DLG2: variants seen among roughly 807,000 people sequenced by gnomAD.
DLG2 encodes discs large MAGUK scaffold protein 2, also known as disks large homolog 2.
A neutral mutation model predicts 132.5 loss-of-function variants in DLG2; 45 were observed. The observed-to-expected ratio is 0.34, with a 90% CI of 0.27 to 0.44. The LOEUF is 0.44. Among genes scored for constraint, DLG2 ranks in the 20% least tolerant of loss-of-function variants. DLG2 has a pLI of 1.00. For missense variants in DLG2, 1,045 were observed against 1,196.9 expected (o/e 0.87, Z 1.87); for synonymous variants, 424 against 419.6 (o/e 1.01, Z -0.13).
intron 7 of DLG2, among the ~76,000 whole-genome samples, chr11:84,318,201 C>A (rs1234499720): frequency 1.3e-5 from 2 of 152,152 alleles, no homozygotes; most frequent in African/African-American, 4.8e-5. Flanking sequence ...AAAGCAATTG[C>A]CTTCCAAAGA....
chr11:85,106,103 G>C (rs1031976732), intron 6 of DLG2, among the ~76,000 whole-genome samples: 1 of 151,894 alleles, frequency 6.6e-6, no homozygotes, highest in South Asian at 2.1e-4. Flanking sequence ...AGGCAGTCTG[G>C]GAGAGCATGC....
At chr11:84,453,817 G>A (rs1232945525) in intron 7 of DLG2, among the ~76,000 whole-genome samples, 4 of 151,640 alleles carry the variant, frequency 2.6e-5, no homozygotes, top group Non-Finnish European at 4.4e-5. Context: ...TTAACCACAA[G>A]TAGGGGCAGA....
At chr11:84,697,400 G>C (rs2058728278) in intron 6 of DLG2, among the ~76,000 whole-genome samples, 1 of 151,402 alleles carries the variant, frequency 6.6e-6, no homozygotes, top group Non-Finnish European at 1.5e-5. Context: ...TAATTCAGGT[G>C]AACTTGGTTT....
At chr11:84,891,044 C>G (rs780531466) in intron 6 of DLG2, 1 of 152,124 alleles carries the variant, frequency 6.6e-6, no homozygotes, top group Admixed American at 6.6e-5. Flanking sequence ...ATCCCTCACC[C>G]GGGTTCCCAG....
chr11:84,458,094 A>G (rs1256663896), intron 7 of DLG2, among the ~76,000 whole-genome samples: 2 of 150,924 alleles, frequency 1.3e-5, no homozygotes, highest in African/African-American at 4.8e-5. Flanking sequence ...AGACTGGCAT[A>G]GCTACTAATT....
At chr11:84,547,738 G>C (rs578238176) in intron 6 of DLG2, among the ~76,000 whole-genome samples, 1 of 152,162 alleles carries the variant, frequency 6.6e-6, no homozygotes, top group African/African-American at 2.4e-5. Context: ...AAGCATGTAT[G>C]TCTCTGCCAT....
chr11:84,702,782 C>G (rs2059343354), intron 6 of DLG2, among the ~76,000 whole-genome samples: 1 of 151,518 alleles, frequency 6.6e-6, no homozygotes, highest in East Asian at 1.9e-4. Context: ...CTATTTAAGT[C>G]TTCTGTCTCT....
intron 6 of DLG2, among the ~76,000 whole-genome samples, chr11:85,076,377 C>T (rs1593721899): frequency 6.6e-6 from 1 of 151,772 alleles, no homozygotes; most frequent in East Asian, 1.9e-4. Flanking sequence ...GCAAACACTT[C>T]CTGATGAGTT....
intron 2 of DLG2, among the ~76,000 whole-genome samples, chr11:85,600,105 C>T (rs2080047063): frequency 6.6e-6 from 1 of 152,196 alleles, no homozygotes; most frequent in South Asian, 2.1e-4. Context: ...AAGGCAGATT[C>T]CACAAGCTCC....
intron 3 of DLG2, among the ~76,000 whole-genome samples, chr11:85,412,760 C>CATATATATATATATATATATATAT (rs200280952): frequency 8.8e-6 from 1 of 113,276 alleles, no homozygotes; most frequent in South Asian, 3.1e-4. Context: ...CACACACACA[C>CATATATATATATATATATATATAT]ATATATATAT....
At chr11:84,420,744 C>T (rs1219701528) in intron 7 of DLG2, among the ~76,000 whole-genome samples, 2 of 135,732 alleles carry the variant, frequency 1.5e-5, no homozygotes, top group Non-Finnish European at 3.1e-5. Flanking sequence ...TCTCGGCTCA[C>T]TGCAAGCTCC....
intron 6 of DLG2, among the ~76,000 whole-genome samples, chr11:84,750,976 T>A (rs999092758): frequency 1.3e-5 from 2 of 152,158 alleles, no homozygotes; most frequent in African/African-American, 2.4e-5. Flanking sequence ...GGTATCCTAT[T>A]AAGTCAAGAA....
chr11:83,761,773 C>G (rs976893728), intron 18 of DLG2, among the ~76,000 whole-genome samples: 1 of 152,160 alleles, frequency 6.6e-6, no homozygotes, highest in South Asian at 2.1e-4. Context: ...ACATGGAGGC[C>G]GGGAGCTGTA....
At chr11:84,963,739 A>G (rs2052925025) in intron 6 of DLG2, among the ~76,000 whole-genome samples, 1 of 152,130 alleles carries the variant, frequency 6.6e-6, no homozygotes, top group Non-Finnish European at 1.5e-5. Flanking sequence ...AAAGGCATTC[A>G]TTGTCATGCT....
Position 85,318,608 on chromosome 11 carries a change from G to A in DLG2, c.41-33243C>T, listed in dbSNP as rs577978163. ...GGTTGAAATGTAAGGGAAGGGAAAGGGAAGTAAATATGAAGCCAACCGGAC... is the reference window on the plus strand; with the variant it reads ...GGTTGAAATGTAAGGGAAGGGAAAGAGAAGTAAATATGAAGCCAACCGGAC... On this transcript the variant is annotated intron_variant, in intron 3 of 27. Coordinates refer to ENST00000376104, the MANE Select transcript of DLG2 (RefSeq NM_001142699.3). Among the ~76,000 whole-genome samples, 7 of 151,762 alleles carry A rather than the reference G, an allele frequency of 4.6e-5. No individual in the cohort carries two copies. In the South Asian group the frequency reaches 1.2e-3, roughly 27 times the overall value.
At chr11:85,546,286 T>C (rs567221405) in intron 3 of DLG2, among the ~76,000 whole-genome samples, 17 of 152,368 alleles carry the variant, frequency 1.1e-4, no homozygotes, top group African/African-American at 3.6e-4. Context: ...TCAGTTTCTA[T>C]GCAGTTGTGT....
intron 6 of DLG2, among the ~76,000 whole-genome samples, chr11:84,745,587 T>C (rs1174950655): frequency 1.3e-5 from 2 of 152,134 alleles, no homozygotes. Context: ...AATGGCCTAA[T>C]AACAGTTCAT....
intron 6 of DLG2, among the ~76,000 whole-genome samples, chr11:84,803,090 C>T (rs577312395): frequency 2.0e-5 from 3 of 152,176 alleles, no homozygotes; most frequent in African/African-American, 4.8e-5. Context: ...TAAGCCACAG[C>T]GCCCGGCCCT....
intron 3 of DLG2, among the ~76,000 whole-genome samples, chr11:85,423,346 C>A (rs2090466230): frequency 6.6e-6 from 1 of 152,184 alleles, no homozygotes; most frequent in Admixed American, 6.5e-5. Flanking sequence ...GGTGGATGTA[C>A]TGGATCCTGT....
Sources: gnomAD v4.1 joint callset for allele counts (sites outside exome capture counted in the v4.1 genomes callset) on GRCh38, gnomAD v4.1.1 for gene constraint, MANE v1.5 for transcripts, NCBI Gene and HGNC (gene_info 2026-07-23, HGNC 2026-07-21) for gene names.